Variants in PTPRM observed in about 807,000 individuals in gnomAD.
PTPRM encodes the protein protein tyrosine phosphatase receptor type M.
Under a neutral mutation model 186.7 loss-of-function variants are expected in PTPRM, and 47 were observed. The ratio of observed to expected loss-of-function variants is 0.25; its 90% CI spans 0.20 to 0.32. PTPRM has a LOEUF of 0.32. PTPRM is among the 10% of genes least tolerant of loss of function. PTPRM has a pLI of 1.00. For missense variants in PTPRM, 1,494 were observed against 1,865.0 expected (o/e 0.80, Z 3.66); for synonymous variants, 668 against 674.9 (o/e 0.99, Z 0.16).
chr18:7,780,560 C>A (rs568337078), intron 2 of PTPRM, among the ~76,000 whole-genome samples: 6 of 152,168 alleles, frequency 3.9e-5, no homozygotes, highest in Admixed American at 6.5e-5. Context: ...CTGAAGCTCC[C>A]TGTTTTAGTC....
intron 14 of PTPRM, among the ~76,000 whole-genome samples, chr18:8,190,168 A>G (rs1429960035): frequency 1.3e-5 from 2 of 152,186 alleles, no homozygotes; most frequent in African/African-American, 2.4e-5. Flanking sequence ...CAAATGTACA[A>G]TGTAGTGTTA....
intron 13 of PTPRM, among the ~76,000 whole-genome samples, chr18:8,126,021 A>AT (rs1235933280): frequency 0.015 from 569 of 37,486 alleles, 47 homozygotes; most frequent in East Asian, 0.041. Flanking sequence ...ATATATATAT[A>AT]TATATATTTT....
Position 8,088,864 on chromosome 18 carries a change from G to C in PTPRM, c.1856+13G>C. The C allele has an allele frequency of 1.3e-6, 2 of 1,570,150 alleles. No individual in the cohort carries two copies. Among genetic ancestry groups the C allele is most frequent in the South Asian group, 2.2e-5 (2 of 90,074 alleles). On this transcript the variant is annotated intron_variant, in intron 11 of 32. Transcript: ENST00000580170. Reference sequence around the variant, plus strand: ...GAGCACCTGTCAGGTATGGAACAGAGGGTTGGGCCGGCTCTAGATAGAAGA... The same window carrying C: ...GAGCACCTGTCAGGTATGGAACAGACGGTTGGGCCGGCTCTAGATAGAAGA...
At chr18:8,161,255 T>C (rs186902509) in intron 14 of PTPRM, among the ~76,000 whole-genome samples, 14 of 152,274 alleles carry the variant, frequency 9.2e-5, no homozygotes, top group African/African-American at 3.4e-4. Flanking sequence ...AATTACCTTA[T>C]TGTAATTGCA....
intron 2 of PTPRM, among the ~76,000 whole-genome samples, chr18:7,873,222 A>C (rs2048064594): frequency 6.6e-6 from 1 of 152,170 alleles, no homozygotes. Flanking sequence ...GAATCGATTA[A>C]TTTTACTTTT....
chr18:7,625,709 A>G (rs887241940), intron 1 of PTPRM, among the ~76,000 whole-genome samples: 2 of 138,842 alleles, frequency 1.4e-5, no homozygotes, highest in African/African-American at 5.1e-5. Flanking sequence ...TAATTTTTGT[A>G]TTTTTAATAA....
chr18:8,368,291 C>G (rs73939447), intron 23 of PTPRM, among the ~76,000 whole-genome samples: 2 of 151,556 alleles, frequency 1.3e-5, no homozygotes, highest in African/African-American at 4.9e-5. Flanking sequence ...TTAGACATCT[C>G]CACAAATATA....
intron 14 of PTPRM, among the ~76,000 whole-genome samples, chr18:8,241,246 G>A (rs781507705): frequency 1.3e-5 from 2 of 152,162 alleles, no homozygotes; most frequent in East Asian, 1.9e-4. Context: ...GCTGAGGCAC[G>A]AGAATCACTT....
In PTPRM at chr18:7,697,083, G is replaced by A. The variant is rs79901586; in HGVS notation, c.74-77066G>A. 2.8e-3 allele frequency among the ~76,000 whole-genome samples: 429 copies of A among 152,294 alleles called. 1 individual carries two copies. Among genetic ancestry groups the A allele is most frequent in the Middle Eastern group, 0.017 (5 of 294 alleles). Reference sequence around the variant, plus strand: ...AAAGGGAAACCTGCCAAGATTGTTAGCATATACCAAACAGCATTATCCATA... The same window carrying A: ...AAAGGGAAACCTGCCAAGATTGTTAACATATACCAAACAGCATTATCCATA... On this transcript the variant is annotated intron_variant, in intron 1 of 32. Coordinates refer to ENST00000580170, the MANE Select transcript of PTPRM (RefSeq NM_001105244.2).
chr18:7,702,671 T>C (rs913552216), intron 1 of PTPRM, among the ~76,000 whole-genome samples: 1 of 152,228 alleles, frequency 6.6e-6, no homozygotes, highest in African/African-American at 2.4e-5. Flanking sequence ...ATAGTTTCTT[T>C]TGTTGTGGAG....
At chr18:8,276,772 C>G (rs987571786) in intron 19 of PTPRM, among the ~76,000 whole-genome samples, 1 of 152,124 alleles carries the variant, frequency 6.6e-6, no homozygotes, top group Non-Finnish European at 1.5e-5. Context: ...CTTCCCTATG[C>G]TTTGGGTCTG....
intron 13 of PTPRM, among the ~76,000 whole-genome samples, chr18:8,120,782 A>G (rs1391740563): frequency 6.6e-6 from 1 of 152,142 alleles, no homozygotes; most frequent in East Asian, 1.9e-4. Flanking sequence ...GGTGTGAACC[A>G]CGGCACCTGG....
chr18:8,394,973 T>G (rs962527025), intron 32 of PTPRM, among the ~76,000 whole-genome samples: 50 of 152,214 alleles, frequency 3.3e-4, no homozygotes, highest in African/African-American at 1.1e-3. Flanking sequence ...ATTATATATT[T>G]TATAAATAGC....
intron 15 of PTPRM, among the ~76,000 whole-genome samples, chr18:8,246,057 C>T (rs889770681): frequency 1.8e-4 from 28 of 152,180 alleles, no homozygotes; most frequent in Admixed American, 4.6e-4. Flanking sequence ...TTTCCATTTT[C>T]CTCCCACTCT....
intron 31 of PTPRM, among the ~76,000 whole-genome samples, chr18:8,388,627 G>A (rs890827148): frequency 6.6e-6 from 1 of 152,118 alleles, no homozygotes; most frequent in African/African-American, 2.4e-5. Context: ...TTCTCTAGTT[G>A]CTGTCATCCC....
chr18:7,611,848 G>A (rs1157501778), intron 1 of PTPRM, among the ~76,000 whole-genome samples: 2 of 152,156 alleles, frequency 1.3e-5, no homozygotes, highest in Non-Finnish European at 2.9e-5. Context: ...TTCCCCAACT[G>A]TGTGGAACTA....
At chr18:8,240,002 C>G (rs1263617013) in intron 14 of PTPRM, among the ~76,000 whole-genome samples, 1 of 152,106 alleles carries the variant, frequency 6.6e-6, no homozygotes, top group Admixed American at 6.5e-5. Context: ...CATAAGATTG[C>G]AAAGAAAATT....
At chr18:7,769,786 GT>G (rs1357818874) in intron 1 of PTPRM, among the ~76,000 whole-genome samples, 1 of 152,070 alleles carries the variant, frequency 6.6e-6, no homozygotes, top group East Asian at 1.9e-4. Context: ...TTTTTGCATA[GT>G]AACTCATTCT....
At chr18:8,289,888 G>A (rs891124116) in intron 19 of PTPRM, among the ~76,000 whole-genome samples, 1 of 152,080 alleles carries the variant, frequency 6.6e-6, no homozygotes, top group Non-Finnish European at 1.5e-5. Flanking sequence ...CCTAGTTCGT[G>A]TGTCTAGATT....
Sources: gnomAD v4.1 joint callset for allele counts (sites outside exome capture counted in the v4.1 genomes callset) on GRCh38, gnomAD v4.1.1 for gene constraint, MANE v1.5 for transcripts, NCBI Gene and HGNC (gene_info 2026-07-23, HGNC 2026-07-21) for gene names.